AUTS2: variants seen among roughly 807,000 people sequenced by gnomAD.
AUTS2 encodes autism susceptibility gene 2 protein.
AUTS2 carries 17 observed loss-of-function variants against 112.4 expected under a neutral mutation model. The observed-to-expected ratio is 0.15, with a 90% CI of 0.10 to 0.23. AUTS2 has a LOEUF of 0.23. AUTS2 is among the 10% of genes least tolerant of loss of function. AUTS2 has a pLI of 1.00. For synonymous variants in AUTS2, 751 were observed against 702.7 expected (o/e 1.07, Z -1.09); for missense variants, 1,510 against 1,701.6 (o/e 0.89, Z 1.98).
intron 6 of AUTS2, among the ~76,000 whole-genome samples, chr7:70,714,684 GCCCCA>G (rs887287767): frequency 1.3e-5 from 2 of 152,194 alleles, no homozygotes; most frequent in African/African-American, 4.8e-5. Flanking sequence ...CCTGAAGACT[GCCCCA>G]CATTCTGGAA....
intron 4 of AUTS2, among the ~76,000 whole-genome samples, chr7:70,205,167 A>G (rs1423041796): frequency 1.3e-5 from 2 of 152,100 alleles, no homozygotes; most frequent in African/African-American, 4.8e-5. Flanking sequence ...CAGCCTCCCA[A>G]GAAGCTGGGA....
chr7:70,346,972 G>T (rs753734975), intron 4 of AUTS2, among the ~76,000 whole-genome samples: 12 of 152,182 alleles, frequency 7.9e-5, no homozygotes, highest in Non-Finnish European at 1.6e-4. Context: ...TTTCTGTTCA[G>T]CCAAGAGTCC....
rs144630851 is a variant in AUTS2, at chr7:69,653,121, T to C, written c.309+53159T>C. On this transcript the variant is annotated intron_variant, in intron 1 of 18. Transcript: ENST00000342771. ...TGAAGTGACACTCTGACCTTGGGACTTCCAGTGCTGTTGTGGAGTGGGGAC... is the reference window on the plus strand; with the variant it reads ...TGAAGTGACACTCTGACCTTGGGACCTCCAGTGCTGTTGTGGAGTGGGGAC... Among the ~76,000 whole-genome samples, 469 of 152,318 alleles carry C rather than the reference T, an allele frequency of 3.1e-3. 1 individual carries two copies. The highest frequency in any genetic ancestry group is 0.01 in the Middle Eastern group (3 of 294).
chr7:70,043,017 T>TA (rs71978854), intron 2 of AUTS2, among the ~76,000 whole-genome samples: 799 of 127,336 alleles, frequency 6.3e-3, no homozygotes, highest in Admixed American at 8.6e-3. Context: ...GCACACTCAC[T>TA]AAAAAAAAAA....
chr7:70,170,077 GT>G (rs1376419484), intron 4 of AUTS2, among the ~76,000 whole-genome samples: 5 of 148,256 alleles, frequency 3.4e-5, no homozygotes, highest in South Asian at 2.2e-4. Context: ...AATAATAGAG[GT>G]TTTTTTTTAT....
At chr7:70,681,101 T>G (rs909918703) in intron 5 of AUTS2, among the ~76,000 whole-genome samples, 1 of 152,226 alleles carries the variant, frequency 6.6e-6, no homozygotes, top group Non-Finnish European at 1.5e-5. Context: ...CTCGCTTCCC[T>G]GTGAATTTCT....
intron 5 of AUTS2, among the ~76,000 whole-genome samples, chr7:70,543,652 TGTCCCG>T (rs1251543048): frequency 6.6e-6 from 1 of 152,216 alleles, no homozygotes; most frequent in Non-Finnish European, 1.5e-5. Context: ...GTTTGTTGCC[TGTCCCG>T]TCATGCTTGC....
At chr7:69,974,640 C>T (rs2129548405) in intron 2 of AUTS2, among the ~76,000 whole-genome samples, 1 of 152,200 alleles carries the variant, frequency 6.6e-6, no homozygotes, top group East Asian at 1.9e-4. Context: ...GTAAATTTCT[C>T]CTTCCTCTGC....
intron 1 of AUTS2, among the ~76,000 whole-genome samples, chr7:69,817,483 G>C (rs1790812939): frequency 6.6e-6 from 1 of 152,144 alleles, no homozygotes; most frequent in South Asian, 2.1e-4. Context: ...GGGATTATAA[G>C]ACCTATATTT....
At chr7:70,003,420 TTA>T (rs1251427609) in intron 2 of AUTS2, among the ~76,000 whole-genome samples, 1 of 110,914 alleles carries the variant, frequency 9.0e-6, no homozygotes, top group African/African-American at 3.9e-5. Context: ...TATGAATATG[TTA>T]TATATGAATA....
At chr7:69,682,021 G>T (rs1052844887) in intron 1 of AUTS2, among the ~76,000 whole-genome samples, 1 of 152,108 alleles carries the variant, frequency 6.6e-6, no homozygotes, top group African/African-American at 2.4e-5. Flanking sequence ...ATAATAATAC[G>T]TTTGTGAGAC....
At chr7:69,992,768 C>G (rs1798792048) in intron 2 of AUTS2, among the ~76,000 whole-genome samples, 1 of 152,032 alleles carries the variant, frequency 6.6e-6, no homozygotes, top group African/African-American at 2.4e-5. Flanking sequence ...GCCTGTAGTC[C>G]CAGCTACTTA....
intron 1 of AUTS2, among the ~76,000 whole-genome samples, chr7:69,781,099 G>A (rs1789127185): frequency 6.6e-6 from 1 of 152,186 alleles, no homozygotes; most frequent in African/African-American, 2.4e-5. Context: ...CTGGAGCTGT[G>A]ATCTGGATCT....
chr7:69,990,674 C>T (rs906733306), intron 2 of AUTS2, among the ~76,000 whole-genome samples: 13 of 152,106 alleles, frequency 8.5e-5, no homozygotes, highest in African/African-American at 2.9e-4. Flanking sequence ...AGTAAATATC[C>T]ACTGGAATGT....
intron 1 of AUTS2, among the ~76,000 whole-genome samples, chr7:69,817,667 T>A (rs1194585055): frequency 6.6e-6 from 1 of 151,972 alleles, no homozygotes; most frequent in South Asian, 2.1e-4. Context: ...GGATTTGGAT[T>A]ATGAGTAGCA....
chr7:70,363,434 C>T (rs546781324), intron 4 of AUTS2, among the ~76,000 whole-genome samples: 2 of 137,020 alleles, frequency 1.5e-5, no homozygotes, highest in South Asian at 4.4e-4. Flanking sequence ...TGCACATGTA[C>T]CCTAAAACTT....
intron 2 of AUTS2, among the ~76,000 whole-genome samples, chr7:69,925,862 A>G (rs1795987038): frequency 6.6e-6 from 1 of 152,200 alleles, no homozygotes; most frequent in South Asian, 2.1e-4. Context: ...TTTAAGACAG[A>G]CAAACACTTT....
At chr7:69,630,701 G>C (rs1794190019) in intron 1 of AUTS2, among the ~76,000 whole-genome samples, 1 of 152,094 alleles carries the variant, frequency 6.6e-6, no homozygotes, top group African/African-American at 2.4e-5. Flanking sequence ...AAACTTTAAA[G>C]TTTTCTTCCA....
intron 4 of AUTS2, among the ~76,000 whole-genome samples, chr7:70,180,070 G>C (rs1809215650): frequency 6.6e-6 from 1 of 152,162 alleles, no homozygotes; most frequent in Non-Finnish European, 1.5e-5. Context: ...GGTAAGCGTA[G>C]AAATAGTTTA....
Sources: gnomAD v4.1 joint callset for allele counts (sites outside exome capture counted in the v4.1 genomes callset) on GRCh38, gnomAD v4.1.1 for gene constraint, MANE v1.5 for transcripts, NCBI Gene and HGNC (gene_info 2026-07-23, HGNC 2026-07-21) for gene names.